The following KHDRBS2 variants were observed in gnomAD, a reference collection of about 807,000 sequenced individuals.
KHDRBS2 encodes KH RNA binding domain containing, signal transduction associated 2.
In KHDRBS2, 26 loss-of-function variants were observed where a neutral mutation model predicts 44.3. The observed-to-expected ratio is 0.59, with a 90% CI of 0.43 to 0.81. The LOEUF (loss-of-function observed/expected upper bound fraction) is 0.81. KHDRBS2 is among the 40% of genes least tolerant of loss of function. The pLI, the probability that KHDRBS2 is intolerant of heterozygous loss-of-function variation, is 0.00. For missense variants in KHDRBS2, 476 were observed against 433.1 expected (o/e 1.10, Z -0.88); for synonymous variants, 194 against 151.1 (o/e 1.28, Z -2.08).
intron 1 of KHDRBS2, among the ~76,000 whole-genome samples, chr6:62,257,905 C>T (rs776581297): frequency 5.9e-5 from 9 of 152,002 alleles, no homozygotes; most frequent in East Asian, 5.8e-4. Flanking sequence ...TTGCTCTCTA[C>T]GACGACCCAG....
At chr6:61,565,437 G>A in the KHDRBS2 span, among the ~76,000 whole-genome samples, 1 of 151,964 alleles carries the variant, frequency 6.6e-6, no homozygotes, top group East Asian at 1.9e-4. Flanking sequence ...ATAAAAACCA[G>A]GATATAAAAG....
intron 3 of KHDRBS2, among the ~76,000 whole-genome samples, chr6:62,022,245 A>C (rs1306922666): frequency 6.6e-6 from 1 of 151,706 alleles, no homozygotes; most frequent in Non-Finnish European, 1.5e-5. Flanking sequence ...AAGAAGTAAA[A>C]ATGTTAAAAG....
At chr6:62,192,798 T>G (rs1439067541) in intron 1 of KHDRBS2, among the ~76,000 whole-genome samples, 3 of 152,164 alleles carry the variant, frequency 2.0e-5, no homozygotes, top group Non-Finnish European at 2.9e-5. Context: ...TTACTGTGTA[T>G]AAATTATTGG....
intron 1 of KHDRBS2, among the ~76,000 whole-genome samples, chr6:62,272,889 A>G (rs1247418835): frequency 2.0e-5 from 3 of 152,210 alleles, no homozygotes; most frequent in Non-Finnish European, 4.4e-5. Flanking sequence ...ATGGAGATAT[A>G]GAGAATAGGA....
chr6:61,792,725 T>C (rs1343853300), intron 6 of KHDRBS2, among the ~76,000 whole-genome samples: 1 of 151,896 alleles, frequency 6.6e-6, no homozygotes, highest in Admixed American at 6.6e-5. Flanking sequence ...GTAAGTTAGC[T>C]AGGAGTTGTA....
intron 3 of KHDRBS2, among the ~76,000 whole-genome samples, chr6:61,981,020 T>G (rs760035652): frequency 3.9e-5 from 6 of 152,110 alleles, no homozygotes; most frequent in African/African-American, 1.4e-4. Context: ...TAAATACATA[T>G]AGCTTTTCCC....
At chr6:61,600,561 G>C in the KHDRBS2 span, among the ~76,000 whole-genome samples, 34 of 152,202 alleles carry the variant, frequency 2.2e-4, no homozygotes, top group Admixed American at 2.2e-3. Context: ...CAGCCCACCT[G>C]CACCCAGGAG....
At chr6:61,633,846 T>C in the KHDRBS2 span, among the ~76,000 whole-genome samples, 1 of 152,078 alleles carries the variant, frequency 6.6e-6, no homozygotes, top group Non-Finnish European at 1.5e-5. Flanking sequence ...TGTTCACTGA[T>C]GTTTATATCT....
intron 2 of KHDRBS2, among the ~76,000 whole-genome samples, chr6:62,061,764 A>T (rs1791975657): frequency 6.7e-6 from 1 of 148,764 alleles, no homozygotes; most frequent in Non-Finnish European, 1.5e-5. Context: ...TATCCTGCAG[A>T]GTGTTTTCCA....
the KHDRBS2 span, among the ~76,000 whole-genome samples, chr6:61,560,825 A>G: frequency 6.6e-6 from 1 of 152,078 alleles, no homozygotes; most frequent in Non-Finnish European, 1.5e-5. Context: ...ATGCTTTATT[A>G]AGTTCATTTG....
At chr6:61,690,558 TA>T (rs914635984) in intron 8 of KHDRBS2, among the ~76,000 whole-genome samples, 1 of 152,060 alleles carries the variant, frequency 6.6e-6, no homozygotes, top group African/African-American at 2.4e-5. Flanking sequence ...GTAAATTTTT[TA>T]AAAAGTCAAG....
In KHDRBS2 at chr6:61,848,574, T is replaced by TAC. The variant is rs148873480; in HGVS notation, c.810+46059_810+46060dup. The stretch of plus-strand genomic sequence containing the variant: ...ATACATATATATATGTATATATATA[T>TAC]ACATATATATATATATATACTTTTT... On this transcript the variant is annotated intron_variant, in intron 6 of 8. Coordinates refer to ENST00000281156, the MANE Select transcript of KHDRBS2 (RefSeq NM_152688.4). Among the ~76,000 whole-genome samples the TAC allele has an allele frequency of 3.8e-3, 240 of 63,296 alleles. 21 individuals are homozygous for TAC. Among genetic ancestry groups the TAC allele is most frequent in the African/African-American group, 0.015 (229 of 15,754 alleles). 41.5% of individuals were successfully genotyped at this position (63,296 alleles called of 152,430 possible).
chr6:61,616,436 T>C, the KHDRBS2 span, among the ~76,000 whole-genome samples: 1 of 148,736 alleles, frequency 6.7e-6, no homozygotes, highest in East Asian at 2.0e-4. Context: ...AAGAATGTTA[T>C]AACAAAATTT....
intron 2 of KHDRBS2, among the ~76,000 whole-genome samples, chr6:62,122,446 G>C (rs1807886398): frequency 6.6e-6 from 1 of 152,188 alleles, no homozygotes. Context: ...AGTTGGGCTT[G>C]TGCAGCAGCA....
intron 6 of KHDRBS2, among the ~76,000 whole-genome samples, chr6:61,849,903 C>A (rs530360201): frequency 8.5e-4 from 130 of 152,138 alleles, no homozygotes; most frequent in African/African-American, 3.1e-3. Flanking sequence ...TGCTAGTATC[C>A]AAAACTATTT....
chr6:61,859,735 CA>C (rs1164916947), intron 6 of KHDRBS2, among the ~76,000 whole-genome samples: 2 of 151,574 alleles, frequency 1.3e-5, no homozygotes, highest in African/African-American at 4.8e-5. Flanking sequence ...GTGTGCGTAT[CA>C]AAATGACAGA....
chr6:61,591,393 A>G, the KHDRBS2 span, among the ~76,000 whole-genome samples: 8 of 152,214 alleles, frequency 5.3e-5, no homozygotes, highest in Non-Finnish European at 1.0e-4. Flanking sequence ...AATTTCCAAA[A>G]TATAAAAAGC....
intron 6 of KHDRBS2, among the ~76,000 whole-genome samples, chr6:61,841,903 T>A (rs1033710898): frequency 6.6e-6 from 1 of 152,202 alleles, no homozygotes; most frequent in African/African-American, 2.4e-5. Context: ...TTTTTTATCA[T>A]GAATCACTAC....
At chr6:61,658,171 C>T in the KHDRBS2 span, among the ~76,000 whole-genome samples, 32 of 151,798 alleles carry the variant, frequency 2.1e-4, no homozygotes, top group East Asian at 9.8e-4. Flanking sequence ...ATTAGATTTC[C>T]TTATTATTGA....
Sources: gnomAD v4.1 joint callset for allele counts (sites outside exome capture counted in the v4.1 genomes callset) on GRCh38, gnomAD v4.1.1 for gene constraint, MANE v1.5 for transcripts, NCBI Gene and HGNC (gene_info 2026-07-23, HGNC 2026-07-21) for gene names.